Variants in LRRC49 observed in about 807,000 individuals in gnomAD.
LRRC49 encodes the protein leucine rich repeat containing 49, also known as leucine-rich repeat-containing protein 49.
In LRRC49, 50 loss-of-function variants were observed where a neutral mutation model predicts 83.3. The ratio of observed to expected loss-of-function variants is 0.60; its 90% confidence interval spans 0.48 to 0.76. The LOEUF is 0.76. Among genes scored for constraint, LRRC49 ranks in the 30% least tolerant of loss-of-function variants. The pLI is 0.00. For synonymous variants in LRRC49, 286 were observed against 283.3 expected, an observed-to-expected ratio of 1.01 and a Z score of -0.10; for missense variants, 704 against 809.1, an observed-to-expected ratio of 0.87 and a Z score of 1.58.
chr15:70,962,927 T>C (rs1253158766), intron 8 of LRRC49, among the ~76,000 whole-genome samples: 2 of 151,968 alleles, frequency 1.3e-5, no homozygotes, highest in Non-Finnish European at 2.9e-5. Flanking sequence ...GCCTCAGCCT[T>C]GAACATGTTG....
intron 1 of LRRC49, among the ~76,000 whole-genome samples, chr15:70,867,045 G>T (rs191591006): frequency 7.9e-6 from 1 of 126,472 alleles, no homozygotes; most frequent in African/African-American, 2.7e-5. Context: ...GAGGCTGATC[G>T]GAACGGAATC....
intron 11 of LRRC49, among the ~76,000 whole-genome samples, chr15:71,001,407 T>C (rs2038249149): frequency 6.6e-6 from 1 of 152,188 alleles, no homozygotes; most frequent in Non-Finnish European, 1.5e-5. Flanking sequence ...CCATCCTCCA[T>C]CATACTTACT....
intron 11 of LRRC49, among the ~76,000 whole-genome samples, chr15:70,989,282 C>T (rs919336540): frequency 6.6e-5 from 10 of 152,162 alleles, no homozygotes; most frequent in Admixed American, 2.6e-4. Flanking sequence ...ACCAATCAGA[C>T]GTAGATTTGG....
At chr15:70,932,442 A>G (rs1196852413) in intron 7 of LRRC49, among the ~76,000 whole-genome samples, 1 of 152,184 alleles carries the variant, frequency 6.6e-6, no homozygotes, top group African/African-American at 2.4e-5. Flanking sequence ...ATCTGTTTAC[A>G]GCTCTCAAAG....
At chr15:71,018,909 A>G (rs972013579) in intron 14 of LRRC49, among the ~76,000 whole-genome samples, 1 of 152,160 alleles carries the variant, frequency 6.6e-6, no homozygotes, top group Non-Finnish European at 1.5e-5. Flanking sequence ...GGCTCACAGA[A>G]CACAAGGAAA....
intron 7 of LRRC49, among the ~76,000 whole-genome samples, chr15:70,923,799 C>T (rs2035092364): frequency 1.3e-5 from 2 of 151,772 alleles, no homozygotes; most frequent in South Asian, 4.2e-4. Flanking sequence ...TCCCTTTTTC[C>T]TTCTCCATAT....
intron 6 of LRRC49, among the ~76,000 whole-genome samples, chr15:70,917,309 G>A (rs1017664374): frequency 4.6e-5 from 7 of 152,170 alleles, no homozygotes; most frequent in African/African-American, 1.7e-4. Flanking sequence ...CACTCCCACC[G>A]ACTGGAGTGG....
chr15:71,014,258 C>G (rs769276691), intron 14 of LRRC49, among the ~76,000 whole-genome samples: 3 of 151,960 alleles, frequency 2.0e-5, no homozygotes, highest in Non-Finnish European at 4.4e-5. Flanking sequence ...AGGAAAAATC[C>G]AAGAAAATCC....
At chr15:70,959,044 G>A (rs914085596) in intron 8 of LRRC49, among the ~76,000 whole-genome samples, 1 of 152,070 alleles carries the variant, frequency 6.6e-6, no homozygotes, top group Admixed American at 6.6e-5. Flanking sequence ...AATAAATAAA[G>A]TATTTATAGT....
chr15:70,934,003 T>A (rs1162220053), intron 7 of LRRC49, among the ~76,000 whole-genome samples: 1 of 152,178 alleles, frequency 6.6e-6, no homozygotes, highest in Non-Finnish European at 1.5e-5. Flanking sequence ...CATTTTTACC[T>A]CTTGGAGATA....
At chr15:70,925,575 A>G (rs1447698331) in intron 7 of LRRC49, among the ~76,000 whole-genome samples, 2 of 152,166 alleles carry the variant, frequency 1.3e-5, no homozygotes, top group East Asian at 3.8e-4. Context: ...AATAACAAGA[A>G]GCTGTGTGAA....
chr15:70,904,512 C>T, intron 4 of LRRC49, 40 bp from the exon 5 acceptor site: 1 of 1,350,418 alleles, frequency 7.4e-7, no homozygotes, highest in South Asian at 1.2e-5. Flanking sequence ...AGGTAAGTGG[C>T]TGAATCATAA....
At chr15:70,961,830 C>G (rs1212780635) in intron 8 of LRRC49, among the ~76,000 whole-genome samples, 1 of 152,122 alleles carries the variant, frequency 6.6e-6, no homozygotes, top group African/African-American at 2.4e-5. Context: ...ATGGTGGATA[C>G]ATGACATTAA....
intron 6 of LRRC49, among the ~76,000 whole-genome samples, chr15:70,913,217 A>G (rs1196261485): frequency 6.6e-6 from 1 of 152,214 alleles, no homozygotes; most frequent in Admixed American, 6.5e-5. Context: ...AGCTGCTTAC[A>G]GTTGGTCAGG....
chr15:71,032,379 G>T (rs1883435061), intron 14 of LRRC49, among the ~76,000 whole-genome samples: 1 of 152,078 alleles, frequency 6.6e-6, no homozygotes, highest in South Asian at 2.1e-4. Context: ...CCCGCCTTCT[G>T]TGTTGGTCTC....
chr15:71,049,301 A>C, intron 15 of LRRC49, 108 bp from the exon 16 acceptor site: 1 of 685,496 alleles, frequency 1.5e-6, no homozygotes, highest in Non-Finnish European at 2.4e-6. Context: ...TGGGGGAGGA[A>C]TAGGGGGTCA....
intron 8 of LRRC49, among the ~76,000 whole-genome samples, chr15:70,946,916 A>G (rs572835421): frequency 3.3e-5 from 5 of 152,170 alleles, no homozygotes; most frequent in East Asian, 3.9e-4. Flanking sequence ...TTTTCATAAA[A>G]CTTCCTTTTT....
chr15:70,978,246 C>T (rs2037277657), intron 9 of LRRC49, among the ~76,000 whole-genome samples: 1 of 152,110 alleles, frequency 6.6e-6, no homozygotes, highest in South Asian at 2.1e-4. Context: ...CTTCTAATAC[C>T]TGTCTGCCTA....
chr15:70,908,045 A>G, intron 5 of LRRC49: 1 of 455,930 alleles, frequency 2.2e-6, no homozygotes. Flanking sequence ...ATTTATGCCA[A>G]AGGCAACTCA....
Sources: gnomAD v4.1 joint callset for allele counts (sites outside exome capture counted in the v4.1 genomes callset) on GRCh38, gnomAD v4.1.1 for gene constraint, MANE v1.5 for transcripts, NCBI Gene and HGNC (gene_info 2026-07-23, HGNC 2026-07-21) for gene names.